KCNN2: variants seen among roughly 807,000 people sequenced by gnomAD.
KCNN2 encodes the protein potassium calcium-activated channel subfamily N member 2, also known as small conductance calcium-activated potassium channel protein 2.
In KCNN2, 24 loss-of-function variants were observed where a neutral mutation model predicts 55.5. The ratio of observed to expected loss-of-function variants is 0.43; its 90% CI spans 0.31 to 0.61. The LOEUF (loss-of-function observed/expected upper bound fraction) is 0.61, where lower values mean the gene tolerates loss of function less well. Ranked by LOEUF, KCNN2 falls within the 20% of genes least tolerant of loss-of-function variation. The probability of loss-of-function intolerance (pLI) is 0.08; values close to 1 mark genes in which losing one functional copy is unlikely to be tolerated. For synonymous variants in KCNN2, 431 were observed against 336.1 expected (o/e 1.28, Z -3.09); for missense variants, 754 against 853.6 (o/e 0.88, Z 1.45).
chr5:114,382,256 A>G (rs538241561), intron 2 of KCNN2, among the ~76,000 whole-genome samples: 28 of 152,306 alleles, frequency 1.8e-4, no homozygotes, highest in African/African-American at 6.5e-4. Context: ...TTCCAGCTTT[A>G]TCAGTTAGTC....
At chr5:114,086,187 A>G (rs1351719012) in intron 1 of KCNN2, among the ~76,000 whole-genome samples, 3 of 152,080 alleles carry the variant, frequency 2.0e-5, no homozygotes, top group Non-Finnish European at 2.9e-5. Context: ...TCTTATAGAC[A>G]GTATATAGCT....
intron 2 of KCNN2, among the ~76,000 whole-genome samples, chr5:114,284,446 G>A (rs1287306659): frequency 6.6e-6 from 1 of 152,156 alleles, no homozygotes; most frequent in Non-Finnish European, 1.5e-5. Flanking sequence ...TCTTATGTCT[G>A]TAATTTTTCA....
chr5:114,236,962 C>T (rs1228483989), intron 2 of KCNN2, among the ~76,000 whole-genome samples: 1 of 151,864 alleles, frequency 6.6e-6, no homozygotes, highest in Non-Finnish European at 1.5e-5. Flanking sequence ...TAAAATATAC[C>T]ACATCATAGT....
intron 2 of KCNN2, among the ~76,000 whole-genome samples, chr5:114,345,675 C>T (rs1330882915): frequency 6.6e-6 from 1 of 152,218 alleles, no homozygotes; most frequent in Admixed American, 6.5e-5. Flanking sequence ...ATAACTGAGA[C>T]TGTGTAATTT....
At chr5:114,139,552 T>G (rs1240046341) in intron 1 of KCNN2, among the ~76,000 whole-genome samples, 2 of 149,930 alleles carry the variant, frequency 1.3e-5, no homozygotes, top group East Asian at 3.9e-4. Context: ...TTATAGTGGC[T>G]GAATAGATAT....
chr5:114,384,194 A>C (rs1032844955), intron 2 of KCNN2, among the ~76,000 whole-genome samples: 5 of 152,192 alleles, frequency 3.3e-5, no homozygotes, highest in Non-Finnish European at 2.9e-5. Flanking sequence ...ATACCTCTTA[A>C]AAACTTATGA....
intron 1 of KCNN2, among the ~76,000 whole-genome samples, chr5:114,071,567 C>G (rs1050627372): frequency 2.0e-5 from 3 of 152,068 alleles, no homozygotes; most frequent in African/African-American, 7.2e-5. Context: ...TATCATCTGC[C>G]ACATACATTA....
intron 2 of KCNN2, among the ~76,000 whole-genome samples, chr5:114,343,389 A>G (rs2150037343): frequency 6.6e-6 from 1 of 152,328 alleles, no homozygotes; most frequent in East Asian, 1.9e-4. Flanking sequence ...ATATTAAAGC[A>G]TAAATGAGCA....
intron 4 of KCNN2, among the ~76,000 whole-genome samples, chr5:114,470,672 C>G (rs919485920): frequency 1.3e-5 from 2 of 152,116 alleles, no homozygotes; most frequent in African/African-American, 2.4e-5. Flanking sequence ...CACAAAATAT[C>G]AAAATAACAT....
At chr5:114,163,279 T>C (rs1187385876) in intron 1 of KCNN2, among the ~76,000 whole-genome samples, 1 of 152,178 alleles carries the variant, frequency 6.6e-6, no homozygotes, top group East Asian at 1.9e-4. Context: ...GAATGCCCTT[T>C]ATTTATTTCT....
At chr5:114,493,280 C>A in intron 6 of KCNN2, 123 bp from the exon 7 acceptor site, 1 of 757,680 alleles carries the variant, frequency 1.3e-6, no homozygotes, top group Non-Finnish European at 2.4e-6. Context: ...GGACTTACCC[C>A]AAATGTTCAA....
chr5:114,216,894 A>G (rs894111695), intron 1 of KCNN2, among the ~76,000 whole-genome samples: 5 of 152,152 alleles, frequency 3.3e-5, no homozygotes, highest in African/African-American at 1.2e-4. Flanking sequence ...TCCTGGGACT[A>G]ATAAGCAATT....
chr5:114,409,754 A>G (rs545081941), intron 3 of KCNN2, among the ~76,000 whole-genome samples: 98 of 152,150 alleles, frequency 6.4e-4, no homozygotes, highest in Non-Finnish European at 1.2e-3. Flanking sequence ...GTTTCTAGAA[A>G]TTGTTCTGTA....
intron 1 of KCNN2, among the ~76,000 whole-genome samples, chr5:114,179,505 A>G (rs1753200257): frequency 6.6e-6 from 1 of 152,258 alleles, no homozygotes; most frequent in Non-Finnish European, 1.5e-5. Flanking sequence ...CACAGGGTCA[A>G]GAACAAGCCT....
intron 2 of KCNN2, among the ~76,000 whole-genome samples, chr5:114,241,726 ATATATACATATATACG>A (rs1219916621): frequency 0.013 from 1,067 of 84,636 alleles, 170 homozygotes; most frequent in African/African-American, 0.045. Flanking sequence ...ATATACGTAT[ATATATACATATATACG>A]TATATATATG....
chr5:114,315,089 C>T (rs540696555), intron 2 of KCNN2, among the ~76,000 whole-genome samples: 2 of 152,132 alleles, frequency 1.3e-5, no homozygotes, highest in South Asian at 2.1e-4. Context: ...ATATTGGGAG[C>T]AAACAGGAAC....
chr5:114,341,331 G>A (rs1398010968), intron 2 of KCNN2, among the ~76,000 whole-genome samples: 1 of 152,316 alleles, frequency 6.6e-6, no homozygotes, highest in African/African-American at 2.4e-5. Context: ...TGGATCAGGA[G>A]TTCAGTTCTG....
intron 1 of KCNN2, among the ~76,000 whole-genome samples, chr5:114,175,923 A>G (rs1753123603): frequency 6.6e-6 from 1 of 152,208 alleles, no homozygotes; most frequent in Non-Finnish European, 1.5e-5. Context: ...AAAACAGTAA[A>G]TTTCAAAGGC....
chr5:114,255,312 C>A (rs1343959413), intron 2 of KCNN2, among the ~76,000 whole-genome samples: 1 of 152,086 alleles, frequency 6.6e-6, no homozygotes, highest in Non-Finnish European at 1.5e-5. Context: ...AAAAACTTAG[C>A]TGAAGGAGAT....
Sources: allele counts gnomAD v4.1 joint callset (sites outside exome capture counted in the v4.1 genomes callset), GRCh38; gene constraint gnomAD v4.1.1; transcripts MANE v1.5; gene names NCBI Gene and HGNC (gene_info 2026-07-23, HGNC 2026-07-21).